MGMT: variants seen among roughly 807,000 people sequenced by gnomAD.
The protein encoded by MGMT is O-6-methylguanine-DNA methyltransferase.
In MGMT, 14 loss-of-function variants were observed where a neutral mutation model predicts 15.9. The ratio of observed to expected loss-of-function variants is 0.88; its 90% confidence interval spans 0.58 to 1.37. MGMT has a LOEUF of 1.37. MGMT is among the 40% of genes most tolerant of loss of function. The probability of loss-of-function intolerance (pLI) is 0.00; values close to 1 mark genes in which losing one functional copy is unlikely to be tolerated. For missense variants in MGMT, 282 were observed against 268.1 expected (o/e 1.05, Z -0.36); for synonymous variants, 130 against 118.2 (o/e 1.10, Z -0.65).
chr10:129,487,267 G>A (rs768020661), intron 1 of MGMT, among the ~76,000 whole-genome samples: 95 of 152,240 alleles, frequency 6.2e-4, no homozygotes, highest in Non-Finnish European at 1.1e-3. Flanking sequence ...GGTTGCAGTG[G>A]TTCCTCAGAG....
intron 2 of MGMT, among the ~76,000 whole-genome samples, chr10:129,673,066 G>A (rs962765425): frequency 7.9e-5 from 12 of 152,122 alleles, no homozygotes; most frequent in African/African-American, 2.7e-4. Flanking sequence ...CTACAAGGTG[G>A]CCATTCAGAT....
intron 2 of MGMT, among the ~76,000 whole-genome samples, chr10:129,602,582 C>T (rs903815279): frequency 3.3e-5 from 5 of 152,122 alleles, no homozygotes; most frequent in Admixed American, 1.3e-4. Context: ...GGCCGTGTGT[C>T]GTAGGATTTC....
intron 2 of MGMT, among the ~76,000 whole-genome samples, chr10:129,584,599 T>C (rs1360913974): frequency 6.6e-6 from 1 of 152,098 alleles, no homozygotes. Context: ...TCTTCCCCAC[T>C]GCCCCTGCCA....
intron 1 of MGMT, among the ~76,000 whole-genome samples, chr10:129,535,216 G>A (rs913784386): frequency 1.8e-4 from 28 of 152,060 alleles, no homozygotes; most frequent in Admixed American, 1.6e-3. Context: ...GAGTAGCCAC[G>A]AGCTGCTGTG....
chr10:129,708,866 G>T (rs1848198571), intron 3 of MGMT, among the ~76,000 whole-genome samples: 1 of 152,168 alleles, frequency 6.6e-6, no homozygotes, highest in Admixed American at 6.5e-5. Flanking sequence ...TTTCAGATCA[G>T]ATTTGCTGGG....
At chr10:129,613,438 T>C (rs1846985476) in intron 2 of MGMT, among the ~76,000 whole-genome samples, 1 of 152,056 alleles carries the variant, frequency 6.6e-6, no homozygotes, top group Admixed American at 6.5e-5. Context: ...TTTCCTCGAG[T>C]TTCTAGATTG....
At chr10:129,715,783 G>T (rs968343013) in intron 3 of MGMT, among the ~76,000 whole-genome samples, 2 of 152,198 alleles carry the variant, frequency 1.3e-5, no homozygotes, top group Admixed American at 1.3e-4. Flanking sequence ...AAAAACTATT[G>T]CAGGAGCTGA....
At position 129,659,022 on chromosome 10, in the gene MGMT, CA is replaced by C. The variant is rs1013113505; in HGVS notation, c.126-48864del. On this transcript the variant is annotated intron_variant, in intron 2 of 4. Coordinates refer to ENST00000651593, the MANE Select transcript of MGMT (RefSeq NM_002412.5). The surrounding 1 kb of genome is among the most constrained non-coding windows in gnomAD (Gnocchi z 4.1). ...TTGGATTTTGTGGCTGCAACAATAACAAAAAAAAATCCTTGGTTCTGATGAC... is the reference window on the plus strand; with the variant it reads ...TTGGATTTTGTGGCTGCAACAATAACAAAAAAAATCCTTGGTTCTGATGAC... Among the ~76,000 whole-genome samples, 18 of 151,170 alleles carry C rather than the reference CA, an allele frequency of 1.2e-4. No individual in the cohort carries two copies. The highest frequency in any genetic ancestry group is 3.4e-3 in the Middle Eastern group (1 of 294).
chr10:129,726,021 G>A (rs183950627), intron 3 of MGMT, among the ~76,000 whole-genome samples: 1 of 152,206 alleles, frequency 6.6e-6, no homozygotes, highest in East Asian at 2.0e-4. Flanking sequence ...TGGGAGAGGA[G>A]TGTGTTCTGT....
At chr10:129,664,804 TCAC>T (rs1372558528) in intron 2 of MGMT, among the ~76,000 whole-genome samples, 1 of 152,120 alleles carries the variant, frequency 6.6e-6, no homozygotes, top group Non-Finnish European at 1.5e-5. Flanking sequence ...AACAGGCACT[TCAC>T]CAAAGAATGC....
chr10:129,633,794 TTTTG>T (rs1250477960), intron 2 of MGMT, among the ~76,000 whole-genome samples: 17 of 152,194 alleles, frequency 1.1e-4, no homozygotes, highest in African/African-American at 3.9e-4. Flanking sequence ...ATGACAATAG[TTTTG>T]TTTAATACAA....
intron 2 of MGMT, among the ~76,000 whole-genome samples, chr10:129,555,022 G>T (rs1191380722): frequency 6.6e-6 from 1 of 152,168 alleles, no homozygotes; most frequent in Non-Finnish European, 1.5e-5. Flanking sequence ...GAGCTGACCA[G>T]CAGGAAACTC....
chr10:129,672,776 G>A (rs1489395071), intron 2 of MGMT, among the ~76,000 whole-genome samples: 2 of 152,066 alleles, frequency 1.3e-5, no homozygotes, highest in Admixed American at 1.3e-4. Flanking sequence ...CCAACACCTG[G>A]AATCCCTGTG....
intron 2 of MGMT, among the ~76,000 whole-genome samples, chr10:129,704,554 C>T (rs1044039533): frequency 4.6e-5 from 7 of 152,108 alleles, no homozygotes; most frequent in Non-Finnish European, 5.9e-5. Flanking sequence ...ACGGGGTCAG[C>T]GTAATTTAGC....
intron 3 of MGMT, among the ~76,000 whole-genome samples, chr10:129,740,714 A>G (rs893146545): frequency 1.3e-5 from 2 of 152,058 alleles, no homozygotes; most frequent in African/African-American, 4.8e-5. Flanking sequence ...CTTTCAGGAG[A>G]GCGCTGGCCC....
chr10:129,654,679 G>A (rs1326595941), intron 2 of MGMT, among the ~76,000 whole-genome samples: 1 of 152,022 alleles, frequency 6.6e-6, no homozygotes, highest in Non-Finnish European at 1.5e-5. Flanking sequence ...GGAGGCAGGG[G>A]TGTGCAAGCC....
At chr10:129,642,180 T>A (rs1260214367) in intron 2 of MGMT, among the ~76,000 whole-genome samples, 1 of 151,982 alleles carries the variant, frequency 6.6e-6, no homozygotes, top group African/African-American at 2.4e-5. Context: ...CTTCACTCCC[T>A]ACATGAGGTT....
At chr10:129,473,770 C>T (rs955790028) in intron 1 of MGMT, among the ~76,000 whole-genome samples, 15 of 152,204 alleles carry the variant, frequency 9.9e-5, no homozygotes, top group African/African-American at 3.4e-4. Flanking sequence ...TGCTTGAAGG[C>T]GTTGAGCCGT....
At chr10:129,655,432 G>A (rs183626646) in intron 2 of MGMT, among the ~76,000 whole-genome samples, 2 of 152,314 alleles carry the variant, frequency 1.3e-5, no homozygotes, top group Admixed American at 6.5e-5. Context: ...TTTCCAAGGC[G>A]CTGACCCTGA....
Sources: allele counts gnomAD v4.1 joint callset (sites outside exome capture counted in the v4.1 genomes callset), GRCh38; gene constraint gnomAD v4.1.1; non-coding constraint Gnocchi (gnomAD v3.1); transcripts MANE v1.5; gene names NCBI Gene and HGNC (gene_info 2026-07-23, HGNC 2026-07-21).